The following EMILIN3 variants were observed in gnomAD, a reference collection of about 807,000 sequenced individuals.
The protein encoded by EMILIN3 is elastin microfibril interfacer 3.
A neutral mutation model predicts 42.8 loss-of-function variants in EMILIN3; 38 were observed. The ratio of observed to expected loss-of-function variants is 0.89; its 90% confidence interval spans 0.69 to 1.16. EMILIN3 has a LOEUF of 1.16. Ranked by LOEUF, EMILIN3 falls within the 50% of genes most tolerant of loss-of-function variation. The probability of loss-of-function intolerance (pLI) is 0.00; values close to 1 mark genes in which losing one functional copy is unlikely to be tolerated. For missense variants in EMILIN3, 924 were observed against 999.5 expected (o/e 0.92, Z 1.02); for synonymous variants, 430 against 440.5 (o/e 0.98, Z 0.30).
Position 41,363,023 on chromosome 20 carries a change from C to A in EMILIN3, c.546G>T (p.Arg182=). The change falls in exon 4 of 4, where the codon CGG becomes CGT. Residue 182 remains arginine, a synonymous_variant. Transcript: ENST00000332312. ...GGACATCACCCTCCAGGCGTTCCAG[C>A]CGCTCACCAAACAGCCCTGGGCCTT... ...GRKGPGLFGE[R]LERLEGDVQR... is the part of the protein sequence containing the mutation. The A allele has an allele frequency of 6.3e-7, 1 of 1,599,170 alleles. No homozygotes were observed. Among genetic ancestry groups the A allele is most frequent in the Non-Finnish European group, 8.6e-7 (1 of 1,169,360 alleles).
At chr20:41,364,911 G>C in intron 2 of EMILIN3, 124 bp downstream of exon 2, 1 of 1,437,030 alleles carries the variant, frequency 7.0e-7, no homozygotes, top group Non-Finnish European at 9.4e-7. Flanking sequence ...GCCTGTATGG[G>C]GGCTCAGGTG....
rs139478565 is a variant in EMILIN3 at position 41,361,521 on chromosome 20, T to C, written c.2048A>G (p.Gln683Arg). The change falls in exon 4 of 4, where the codon CAG becomes CGG. Residue 683 changes from glutamine (Q) to arginine (R), a missense_variant. Physicochemically the swap from Gln to Arg is conservative, Grantham distance 43. Transcript: ENST00000332312. Reference protein sequence around the residue: ...SRCQDTAQKLQHTVGHFDQRV... With the variant: ...SRCQDTAQKLRHTVGHFDQRV... ...CTGGTCAAAGTGTCCCACTGTGTGC[T>C]GAAGTTTCTGGGCTGTGTCCTGGCA... 9 of 1,612,972 alleles carry C rather than the reference T, an allele frequency of 5.6e-6. No individual in the cohort carries two copies. The highest frequency in any genetic ancestry group is 7.6e-6 in the Non-Finnish European group (9 of 1,179,872).
rs933841080 is a variant in EMILIN3 at position 41,362,773 on chromosome 20, C to A, written c.796G>T (p.Val266Leu). Residue 266 changes from valine (V) to leucine (L), a missense_variant, in exon 4 of 4, where the codon GTG becomes TTG. Transcript: ENST00000332312. ...CCATGCACCTTGTCTAGAAGCTGCACCTTGGTCTGAAGAGTGTTGCTCACC... is the reference window on the plus strand; with the variant it reads ...CCATGCACCTTGTCTAGAAGCTGCAACTTGGTCTGAAGAGTGTTGCTCACC... ...TEVSNTLQTK[V>L]QLLDKVHGLA... 17 of 1,614,112 alleles carry A rather than the reference C, an allele frequency of 1.1e-5. No homozygotes were observed. The highest frequency in any genetic ancestry group is 1.4e-5 in the Non-Finnish European group (16 of 1,180,046).
chr20:41,365,058 C>A lies in EMILIN3; in HGVS notation c.267G>T (p.Gly89=), dbSNP rs772137631. The change falls in exon 2 of 4, where the codon GGG becomes GGT. Residue 89 remains glycine, a synonymous_variant. Transcript: ENST00000332312. The part of the protein sequence containing the change: ...VKAEYRQCRW[G]PKCPGTVTYR... ...ACGTGACTGTCCCGGGGCACTTGGG[C>A]CCCCATCTACACTGCCGGTATTCAG... 1 of 1,613,642 alleles carries A rather than the reference C, an allele frequency of 6.2e-7. No individual in the cohort carries two copies. Among genetic ancestry groups the A allele is most frequent in the Non-Finnish European group, 8.5e-7 (1 of 1,179,730 alleles).
In EMILIN3 at chr20:41,365,133, G is replaced by A; in HGVS notation, c.192C>T (p.His64=). The change falls in exon 2 of 4, where the codon CAC becomes CAT. Residue 64 remains histidine (H), a synonymous_variant. Transcript: ENST00000332312. ...CCTGTAGGATGCAGGTCACATTCCT[G>A]TGCACCACATAGGCACAGAGGGCCC... is the stretch of plus-strand genomic sequence containing the variant. ...PHKALCAYVV[H]RNVTCILQEG... 1 of 1,613,972 alleles carries A rather than the reference G, an allele frequency of 6.2e-7. No individual in the cohort carries two copies. Among genetic ancestry groups the A allele is most frequent in the Non-Finnish European group, 8.5e-7 (1 of 1,179,916 alleles).
chr20:41,365,098 T>A lies in EMILIN3; in HGVS notation c.227A>T (p.Glu76Val). The A allele has an allele frequency of 6.2e-7, 1 of 1,614,078 alleles. No individual in the cohort carries two copies. The highest frequency in any genetic ancestry group is 8.5e-7 in the Non-Finnish European group (1 of 1,179,968). Reference sequence around the variant, plus strand: ...CCGGTATTCAGCCTTTACGTAGCTCTCCGCTCCCTCCTGTAGGATGCAGGT... The same window carrying A: ...CCGGTATTCAGCCTTTACGTAGCTCACCGCTCCCTCCTGTAGGATGCAGGT... ...NVTCILQEGA[E>V]SYVKAEYRQC... is the part of the protein sequence containing the mutation. Residue 76 changes from glutamate (E) to valine (V), a missense_variant, in exon 2 of 4, where the codon GAG (glutamate) becomes GTG (valine). Glu to Val is a moderately radical substitution (Grantham distance 121). Transcript: ENST00000332312.
In EMILIN3 at chr20:41,361,231, TTGG is replaced by T. The variant is rs1442538881; in HGVS notation, c.*34_*36del. 2 of 1,522,864 alleles carry T rather than the reference TTGG, an allele frequency of 1.3e-6. No homozygotes were observed. Among genetic ancestry groups the T allele is most frequent in the Non-Finnish European group, 1.8e-6 (2 of 1,124,886 alleles). The allele number at this position is 1,522,864 out of a possible 1,614,324, so 94.3% of individuals were successfully genotyped here. ...GGGCTCTGGGGTGATGTTCCCCGAG[TTGG>T]TGGGATCTAGGGGTTGGGTCCTGGC... On this transcript the variant is annotated 3_prime_UTR_variant, in exon 4 of 4. Coordinates refer to ENST00000332312, the MANE Select transcript of EMILIN3 (RefSeq NM_052846.2).
Position 41,361,922 on chromosome 20 carries a change from G to A in EMILIN3, c.1647C>T (p.Arg549=), listed in dbSNP as rs1569018859. 3 of 1,612,954 alleles carry A rather than the reference G, an allele frequency of 1.9e-6. No homozygotes were observed. The highest frequency in any genetic ancestry group is 2.7e-5 in the African/African-American group (2 of 75,068). Reference sequence around the variant, plus strand: ...GCAGTGCTGCGTGGCTGGCCACCTGGCGTAGGAGGGCCTCGCTCCGGCTCT... The same window carrying A: ...GCAGTGCTGCGTGGCTGGCCACCTGACGTAGGAGGGCCTCGCTCCGGCTCT... ...AWQSRSEALL[R]QVASHAALLQ... is the part of the protein sequence containing the mutation. The change falls in exon 4 of 4, where the codon CGC becomes CGT. Residue 549 remains arginine (R), a synonymous_variant. Coordinates refer to ENST00000332312, the MANE Select transcript of EMILIN3 (RefSeq NM_052846.2).
chr20:41,361,750 G>A lies in EMILIN3; in HGVS notation c.1819C>T (p.Gln607Ter). The change falls in exon 4 of 4, where the codon CAG becomes TAG. Residue 607 changes from glutamine (Q) to a stop codon, truncating the protein, a stop_gained. Transcript: ENST00000332312. LOFTEE classifies it high-confidence loss of function. Reference protein sequence around the residue: ...SLTGLSDSVSQYSDAFLAANT... With the variant: ...SLTGLSDSVS ...GCAGCCAAGAAGGCATCAGAGTACT[G>A]GCTGACAGAGTCACTGAGGCCTGTG... 1 of 1,613,654 alleles carries A rather than the reference G, an allele frequency of 6.2e-7. No individual in the cohort carries two copies. The highest frequency in any genetic ancestry group is 8.5e-7 in the Non-Finnish European group (1 of 1,179,992).
Position 41,366,330 on chromosome 20 carries a change from CCCGGG to C in EMILIN3, c.167+133_167+137del. 3.3e-6 allele frequency: 2 copies of C among 612,188 alleles called. No homozygotes were observed. Among genetic ancestry groups the C allele is most frequent in the Non-Finnish European group, 4.2e-6 (2 of 471,454 alleles). The allele number at this position is 612,188 out of a possible 1,614,324, so 37.9% of individuals were successfully genotyped here. A position where few individuals can be genotyped will look rare whatever the true frequency, so the allele number is the denominator to read the frequency against. ...GCGCTCGCCTGGGCAGGGGCTCGGC[CCCGGG>C]CGCCGCCCCCTCTGTGCAGCGGCCT... On this transcript the variant is annotated intron_variant, in intron 1 of 3. Coordinates refer to ENST00000332312, the MANE Select transcript of EMILIN3 (RefSeq NM_052846.2). This position sits in a 1 kb window ranked among gnomAD's most constrained non-coding sequence, Gnocchi z 4.2.
chr20:41,366,437 C>T lies in EMILIN3; in HGVS notation c.167+31G>A. 9 of 1,111,498 alleles carry T rather than the reference C, an allele frequency of 8.1e-6. No homozygotes were observed. The highest frequency in any genetic ancestry group is 9.9e-6 in the Non-Finnish European group (9 of 911,496). The allele number at this position is 1,111,498 out of a possible 1,614,324, so 68.9% of individuals were successfully genotyped here. On this transcript the variant is annotated intron_variant, in intron 1 of 3. Transcript: ENST00000332312. This position sits in a 1 kb window ranked among gnomAD's most constrained non-coding sequence, Gnocchi z 4.2. ...GCGACGCGCGCGGGCCCATCCCTCCCTCTTCCCGCCCGCCGCCCGCCCGCG... is the reference window on the plus strand; with the variant it reads ...GCGACGCGCGCGGGCCCATCCCTCCTTCTTCCCGCCCGCCGCCCGCCCGCG...
At position 41,363,842 on chromosome 20, in the gene EMILIN3, G is replaced by T. The variant is rs752942587; in HGVS notation, c.310C>A (p.Pro104Thr). 2.5e-6 allele frequency: 4 copies of T among 1,614,106 alleles called. No individual in the cohort carries two copies. The highest frequency in any genetic ancestry group is 3.4e-6 in the Non-Finnish European group (4 of 1,180,000). ...GTVTYRTVLR[P>T]KYKVGYKTVT... ...GTCTTGTAGCCAACCTTGTATTTGG[G>T]TCTGAGTACTGTGCGGTACCTGGGC... The change falls in exon 3 of 4, where the codon CCC becomes ACC. Residue 104 changes from proline to threonine, a missense_variant. By Grantham distance (38) the Pro-to-Thr change is conservative (BLOSUM62 -1). Coordinates refer to ENST00000332312, the MANE Select transcript of EMILIN3 (RefSeq NM_052846.2).
At chr20:41,363,315 CTA>C (rs2046377071) in intron 3 of EMILIN3, among the ~76,000 whole-genome samples, 1 of 151,956 alleles carries the variant, frequency 6.6e-6, no homozygotes, top group African/African-American at 2.4e-5. Context: ...TATTTTTTTT[CTA>C]TCTTTAGTAG....
In EMILIN3 at chr20:41,366,684, G is replaced by A. The variant is rs899655177; in HGVS notation, c.-50C>T. ...CCCCGCGCGGTGCCCCCCGCCGGGT[G>A]TCCGCCTGCAGCGCCGCGCCGCCCC... On this transcript the variant is annotated 5_prime_UTR_variant, in exon 1 of 4. Coordinates refer to ENST00000332312, the MANE Select transcript of EMILIN3 (RefSeq NM_052846.2). The surrounding 1 kb of genome is among the most constrained non-coding windows in gnomAD (Gnocchi z 4.2). 6 of 978,366 alleles carry A rather than the reference G, an allele frequency of 6.1e-6. No individual in the cohort carries two copies. Among genetic ancestry groups the A allele is most frequent in the Non-Finnish European group, 7.3e-6 (6 of 825,032 alleles). 60.6% of individuals were successfully genotyped at this position (978,366 alleles called of 1,614,324 possible). A position where few individuals can be genotyped will look rare whatever the true frequency, so the allele number is the denominator to read the frequency against.
At chr20:41,364,603 G>C (rs1042824795) in intron 2 of EMILIN3, among the ~76,000 whole-genome samples, 14 of 152,164 alleles carry the variant, frequency 9.2e-5, no homozygotes, top group African/African-American at 3.4e-4. Flanking sequence ...TCCTCTCCCT[G>C]CCCCATGGCC....
chr20:41,361,078 TC>T lies in EMILIN3; in HGVS notation c.*189del. Reference sequence around the variant, plus strand: ...TTGCCTTGACCGCTGTCCGGAACTGTCCAGTTTCTGCAGCACTGTGCATGGG... The same window carrying T: ...TTGCCTTGACCGCTGTCCGGAACTGTCAGTTTCTGCAGCACTGTGCATGGG... On this transcript the variant is annotated 3_prime_UTR_variant, in exon 4 of 4. Coordinates refer to ENST00000332312, the MANE Select transcript of EMILIN3 (RefSeq NM_052846.2). 1.8e-6 allele frequency: 1 copy of T among 557,026 alleles called. No homozygotes were observed. Among genetic ancestry groups the T allele is most frequent in the Non-Finnish European group, 3.1e-6 (1 of 322,272 alleles). 34.5% of individuals were successfully genotyped at this position (557,026 alleles called of 1,614,324 possible). A position where few individuals can be genotyped will look rare whatever the true frequency, so the allele number is the denominator to read the frequency against.
rs144312180 is a variant in EMILIN3, at chr20:41,361,956, T to C, written c.1613A>G (p.Lys538Arg). 3.3e-4 allele frequency: 534 copies of C among 1,612,432 alleles called. 11 individuals carry two copies. The East Asian group carries it at 0.011, about 33-fold the overall frequency. Residue 538 changes from lysine (K) to arginine (R), a missense_variant, in exon 4 of 4, where the codon AAG becomes AGG. Physicochemically the swap from Lys to Arg is conservative, Grantham distance 26. Coordinates refer to ENST00000332312, the MANE Select transcript of EMILIN3 (RefSeq NM_052846.2). ...GGCCTCGCTCCGGCTCTGCCAGGCC[T>C]TCACCTCTGCCACGAGGCTGTCCAG... The part of the protein sequence containing the change: ...AILDSLVAEV[K>R]AWQSRSEALL...
chr20:41,363,015 C>A lies in EMILIN3; in HGVS notation c.554G>T (p.Arg185Leu). 6.2e-7 allele frequency: 1 copy of A among 1,601,770 alleles called. No homozygotes were observed. Reference sequence around the variant, plus strand: ...CAGGCGCTGGACATCACCCTCCAGGCGTTCCAGCCGCTCACCAAACAGCCC... The same window carrying A: ...CAGGCGCTGGACATCACCCTCCAGGAGTTCCAGCCGCTCACCAAACAGCCC... ...GPGLFGERLE[R>L]LEGDVQRLAQ... Residue 185 changes from arginine (R) to leucine (L), a missense_variant, in exon 4 of 4, where the codon CGC becomes CTC. Arg to Leu is a moderately radical substitution (Grantham distance 102). Coordinates refer to ENST00000332312, the MANE Select transcript of EMILIN3 (RefSeq NM_052846.2).
At position 41,363,670 on chromosome 20, in the gene EMILIN3, G is replaced by T; in HGVS notation, c.482C>A (p.Pro161His). The change falls in exon 3 of 4, where the codon CCT becomes CAT. Residue 161 changes from proline (P) to histidine (H), a missense_variant. By Grantham distance (77) the Pro-to-His change is moderately conservative (BLOSUM62 -2). Transcript: ENST00000332312. Reference protein sequence around the residue: ...SGQLDPGPRPPSYSRAAPSPH... With the variant: ...SGQLDPGPRPHSYSRAAPSPH... ...GCTGGGGGCTGCTCTGCTGTAGGAA[G>T]GGGGCCTGGGGCCTGGGTCCAGCTG... The T allele has an allele frequency of 6.2e-7, 1 of 1,613,238 alleles. No individual in the cohort carries two copies. Among genetic ancestry groups the T allele is most frequent in the Non-Finnish European group, 8.5e-7 (1 of 1,179,676 alleles).
Sources: allele counts gnomAD v4.1 joint callset (sites outside exome capture counted in the v4.1 genomes callset), GRCh38; gene constraint gnomAD v4.1.1; non-coding constraint Gnocchi (gnomAD v3.1); transcripts MANE v1.5; gene names NCBI Gene and HGNC (gene_info 2026-07-23, HGNC 2026-07-21).